The following STAP1 variants were observed in gnomAD, a reference collection of about 807,000 sequenced individuals.
STAP1 encodes the protein signal transducing adaptor family member 1.
STAP1 carries 30 observed loss-of-function variants against 37.8 expected under a neutral mutation model. The observed-to-expected ratio is 0.79, with a 90% confidence interval of 0.59 to 1.08. The LOEUF (loss-of-function observed/expected upper bound fraction) is 1.08. STAP1 is among the 50% of genes least tolerant of loss of function. The probability of loss-of-function intolerance (pLI) is 0.00; values close to 1 mark genes in which losing one functional copy is unlikely to be tolerated. For missense variants in STAP1, 357 were observed against 349.4 expected, an observed-to-expected ratio of 1.02 and a Z score of -0.17; for synonymous variants, 130 against 116.0, an observed-to-expected ratio of 1.12 and a Z score of -0.78.
At chr4:67,584,099 A>G (rs1324589217) in intron 6 of STAP1, among the ~76,000 whole-genome samples, 2 of 16,248 alleles carry the variant, frequency 1.2e-4, no homozygotes, top group African/African-American at 9.3e-4. Flanking sequence ...CTCGGTCTCG[A>G]AAAAAAAAAA....
chr4:67,588,375 G>GATGATA (rs1479745074), intron 6 of STAP1, among the ~76,000 whole-genome samples: 1 of 149,304 alleles, frequency 6.7e-6, no homozygotes, highest in African/African-American at 2.4e-5. Flanking sequence ...TGATGATGAT[G>GATGATA]ATATGATGTC....
rs769081554 is a variant in STAP1, at chr4:67,571,167, T to C, written c.192+12T>C. The stretch of plus-strand genomic sequence containing the variant: ...AAAAGAGTATAATAGTAAGTAAATA[T>C]GTTGAGCTGATTCCATTGTTTCCCA... On this transcript the variant is annotated intron_variant, in intron 2 of 8. Coordinates refer to ENST00000265404, the MANE Select transcript of STAP1 (RefSeq NM_012108.4). 6.5e-7 allele frequency: 1 copy of C among 1,544,694 alleles called. No individual in the cohort carries two copies. Among genetic ancestry groups the C allele is most frequent in the Non-Finnish European group, 8.9e-7 (1 of 1,117,970 alleles).
Position 67,562,767 on chromosome 4 carries a change from A to G in STAP1, c.120+3838A>G, listed in dbSNP as rs1727380036. Among the ~76,000 whole-genome samples, 4 of 152,016 alleles carry G rather than the reference A, an allele frequency of 2.6e-5. No homozygotes were observed. The South Asian group carries it at 8.3e-4, about 32-fold the overall frequency. On this transcript the variant is annotated intron_variant, in intron 1 of 8. Coordinates refer to ENST00000265404, the MANE Select transcript of STAP1 (RefSeq NM_012108.4). ...AACCTGGGCAACAGAGGGAGACTCC[A>G]TCTCAAAAACAACAAAAAAAGAATA...
chr4:67,587,715 CTTTCTTT>C (rs1232941258), intron 6 of STAP1, among the ~76,000 whole-genome samples: 20 of 100,388 alleles, frequency 2.0e-4, no homozygotes, highest in African/African-American at 6.7e-4. Flanking sequence ...CCTTTTCTTT[CTTTCTTT>C]TTTTTTTTTT....
intron 3 of STAP1, among the ~76,000 whole-genome samples, chr4:67,576,548 G>A (rs1727725026): frequency 6.6e-6 from 1 of 152,182 alleles, no homozygotes; most frequent in African/African-American, 2.4e-5. Context: ...GCTTAAAATA[G>A]TAGCTACCAC....
intron 6 of STAP1, among the ~76,000 whole-genome samples, chr4:67,588,559 A>G (rs1371838777): frequency 2.0e-5 from 3 of 151,804 alleles, no homozygotes; most frequent in Admixed American, 6.6e-5. Context: ...ACAGGTGCCC[A>G]CCACCACGCC....
chr4:67,596,811 A>T (rs1165245973), intron 8 of STAP1, among the ~76,000 whole-genome samples: 3 of 152,248 alleles, frequency 2.0e-5, no homozygotes, highest in African/African-American at 7.2e-5. Context: ...TTTTTCTAAA[A>T]GTATACAGTC....
chr4:67,586,653 T>C (rs958011253), intron 6 of STAP1, among the ~76,000 whole-genome samples: 1 of 152,212 alleles, frequency 6.6e-6, no homozygotes, highest in African/African-American at 2.4e-5. Flanking sequence ...TCACAGTTTT[T>C]ACTCACAATT....
chr4:67,562,070 A>C (rs1727354622), intron 1 of STAP1, among the ~76,000 whole-genome samples: 1 of 3,212 alleles, frequency 3.1e-4, no homozygotes, highest in African/African-American at 1.5e-3. Context: ...GACTCTGTCA[A>C]AAAAAAAAAA....
At chr4:67,565,108 G>A (rs1451766863) in intron 1 of STAP1, among the ~76,000 whole-genome samples, 1 of 152,084 alleles carries the variant, frequency 6.6e-6, no homozygotes, top group Non-Finnish European at 1.5e-5. Context: ...AAAAGAGTTG[G>A]TCGGATAAGC....
At chr4:67,594,970 T>A (rs1728193403) in intron 8 of STAP1, among the ~76,000 whole-genome samples, 1 of 152,080 alleles carries the variant, frequency 6.6e-6, no homozygotes. Context: ...TTGGGAAGTA[T>A]TTTCTTAGTG....
At chr4:67,579,657 G>A (rs1727806314) in intron 4 of STAP1, among the ~76,000 whole-genome samples, 1 of 152,076 alleles carries the variant, frequency 6.6e-6, no homozygotes, top group South Asian at 2.1e-4. Flanking sequence ...AAGAGAAAGA[G>A]TGGGGAAGAG....
intron 1 of STAP1, among the ~76,000 whole-genome samples, chr4:67,568,039 A>G (rs962960292): frequency 2.0e-5 from 3 of 152,366 alleles, no homozygotes; most frequent in African/African-American, 7.2e-5. Flanking sequence ...GAGTTCTACC[A>G]AGAGCATAAG....
chr4:67,580,286 C>T (rs1209584110), intron 4 of STAP1, among the ~76,000 whole-genome samples: 4 of 152,006 alleles, frequency 2.6e-5, no homozygotes, highest in African/African-American at 9.7e-5. Context: ...TCATTTTTTT[C>T]TGGTATATAT....
chr4:67,587,886 A>G (rs1170545083), intron 6 of STAP1, among the ~76,000 whole-genome samples: 1 of 151,556 alleles, frequency 6.6e-6, no homozygotes, highest in Non-Finnish European at 1.5e-5. Context: ...ACGCCTGGCT[A>G]ATTTTTTTTG....
chr4:67,605,861 A>C (rs1728438591), intron 8 of STAP1, among the ~76,000 whole-genome samples: 1 of 152,212 alleles, frequency 6.6e-6, no homozygotes, highest in African/African-American at 2.4e-5. Context: ...AAGGGTTCCA[A>C]TCTGGAGATT....
chr4:67,583,698 A>G lies in STAP1; in HGVS notation c.655A>G (p.Ile219Val). The G allele has an allele frequency of 6.2e-7, 1 of 1,609,292 alleles. No homozygotes were observed. Among genetic ancestry groups the G allele is most frequent in the Non-Finnish European group, 8.5e-7 (1 of 1,178,736 alleles). The change falls in exon 6 of 9, where the codon ATA becomes GTA. Residue 219 changes from isoleucine to valine, a missense_variant. Transcript: ENST00000265404. The stretch of plus-strand genomic sequence containing the variant: ...CTACTCCATCACTATTCGGCAGGAG[A>G]TAGAGTATGTTTATTTTTTTTAAAT... ...RNYSITIRQE[I>V]DIPRIKHYKV...
At chr4:67,605,448 A>AGC (rs1728431630) in intron 8 of STAP1, among the ~76,000 whole-genome samples, 8 of 150,730 alleles carry the variant, frequency 5.3e-5, no homozygotes, top group Non-Finnish European at 1.0e-4. Flanking sequence ...TGCTATTGGT[A>AGC]TATGACTGAA....
At position 67,578,528 on chromosome 4, in the gene STAP1, G is replaced by A. The variant is rs551071174; in HGVS notation, c.363+1269G>A. ...GTGAAGAACATGTTGACTTCTGAGA[G>A]GGAGAGGAAGGAATCCTGGGGAATT... On this transcript the variant is annotated intron_variant, in intron 4 of 8. Transcript: ENST00000265404. Among the ~76,000 whole-genome samples, 18 of 152,036 alleles carry A rather than the reference G, an allele frequency of 1.2e-4. 2 individuals are homozygous for A. The highest frequency in any genetic ancestry group is 1.0e-3 in the Admixed American group (16 of 15,250).
Sources: allele counts gnomAD v4.1 joint callset (sites outside exome capture counted in the v4.1 genomes callset), GRCh38; gene constraint gnomAD v4.1.1; transcripts MANE v1.5; gene names NCBI Gene and HGNC (gene_info 2026-07-23, HGNC 2026-07-21).